GALNT17: variants seen among roughly 807,000 people sequenced by gnomAD.
GALNT17 encodes the protein polypeptide N-acetylgalactosaminyltransferase 17, also known as UDP-GalNAc:polypeptide N-acetylgalactosaminyltransferase-like 3.
In GALNT17, 29 loss-of-function variants were observed where a neutral mutation model predicts 63.7. That is an observed-to-expected ratio of 0.46 (90% CI 0.34 to 0.62). The LOEUF (loss-of-function observed/expected upper bound fraction) is 0.62, where lower values mean the gene tolerates loss of function less well. Ranked by LOEUF, GALNT17 falls within the 20% of genes least tolerant of loss-of-function variation. The pLI is 0.01. For synonymous variants in GALNT17, 305 were observed against 318.3 expected, an observed-to-expected ratio of 0.96 and a Z score of 0.45; for missense variants, 603 against 799.6, an observed-to-expected ratio of 0.75 and a Z score of 2.97.
chr7:71,399,260 G>A (rs748104070), intron 3 of GALNT17, among the ~76,000 whole-genome samples: 3 of 152,022 alleles, frequency 2.0e-5, no homozygotes, highest in African/African-American at 7.2e-5. Context: ...AAAAAATGTG[G>A]GAGTAGGAAT....
intron 8 of GALNT17, among the ~76,000 whole-genome samples, chr7:71,677,004 G>A (rs1330002470): frequency 1.3e-5 from 2 of 152,176 alleles, no homozygotes; most frequent in Non-Finnish European, 2.9e-5. Flanking sequence ...GACACAGTCA[G>A]AGACCTAGCA....
At chr7:71,561,926 A>G in intron 5 of GALNT17, among the ~76,000 whole-genome samples, 1 of 151,704 alleles carries the variant, frequency 6.6e-6, no homozygotes, top group Non-Finnish European at 1.5e-5. Context: ...CCTGATTTAC[A>G]GGCTATGGAT....
intron 2 of GALNT17, among the ~76,000 whole-genome samples, chr7:71,365,194 A>G (rs568589406): frequency 6.6e-6 from 1 of 152,176 alleles, no homozygotes; most frequent in Non-Finnish European, 1.5e-5. Flanking sequence ...CAGCCTCCCA[A>G]AGCACGGGGA....
chr7:71,498,047 G>T (rs1193507588), intron 5 of GALNT17, among the ~76,000 whole-genome samples: 8 of 152,248 alleles, frequency 5.3e-5, no homozygotes, highest in Admixed American at 2.6e-4. Flanking sequence ...TGCAAGCAGA[G>T]AATTCAGACG....
intron 6 of GALNT17, among the ~76,000 whole-genome samples, chr7:71,654,205 C>T (rs1408406800): frequency 3.3e-5 from 5 of 151,834 alleles, no homozygotes; most frequent in Admixed American, 1.3e-4. Context: ...TTAGTAGAGA[C>T]GGGGTTTCAC....
intron 7 of GALNT17, among the ~76,000 whole-genome samples, chr7:71,668,915 G>A (rs1450362345): frequency 6.6e-6 from 1 of 152,172 alleles, no homozygotes; most frequent in Non-Finnish European, 1.5e-5. Context: ...ACTTCGCAAA[G>A]AGCCAACAAA....
chr7:71,628,325 A>G lies in GALNT17; in HGVS notation c.1081-37086A>G, dbSNP rs577285674. Among the ~76,000 whole-genome samples, 22 of 151,966 alleles carry G rather than the reference A, an allele frequency of 1.4e-4. No individual in the cohort carries two copies. In the East Asian group the frequency reaches 4.3e-3, roughly 30 times the overall value. On this transcript the variant is annotated intron_variant, in intron 6 of 10. Transcript: ENST00000333538. ...TGAATTGCTAGAAATGCTTTTTTTT[A>G]TTTTTTATTTTTTTAAGACAGAGTC... is the stretch of plus-strand genomic sequence containing the variant.
At chr7:71,148,421 T>C (rs1301249382) in intron 1 of GALNT17, among the ~76,000 whole-genome samples, 1 of 152,192 alleles carries the variant, frequency 6.6e-6, no homozygotes, top group African/African-American at 2.4e-5. Flanking sequence ...GGTAGGCTCC[T>C]ACATGTGAGC....
At chr7:71,203,573 T>A (rs1789215320) in intron 1 of GALNT17, among the ~76,000 whole-genome samples, 1 of 152,238 alleles carries the variant, frequency 6.6e-6, no homozygotes, top group South Asian at 2.1e-4. Context: ...TGTATTAGGC[T>A]GTTCACACAT....
intron 1 of GALNT17, among the ~76,000 whole-genome samples, chr7:71,281,858 A>G (rs550125122): frequency 6.6e-6 from 1 of 152,350 alleles, no homozygotes. Context: ...ATTTGGAAAT[A>G]GAAAAAGTGA....
chr7:71,281,135 C>T (rs1479853246), intron 1 of GALNT17, among the ~76,000 whole-genome samples: 1 of 152,122 alleles, frequency 6.6e-6, no homozygotes, highest in Non-Finnish European at 1.5e-5. Flanking sequence ...GTAGAAGAAA[C>T]CAAAAGCGGG....
chr7:71,383,895 C>T (rs183568380), intron 2 of GALNT17, among the ~76,000 whole-genome samples: 36 of 152,056 alleles, frequency 2.4e-4, no homozygotes, highest in African/African-American at 7.7e-4. Context: ...CATTTAGCTG[C>T]GAATAATGCT....
At chr7:71,279,940 T>C (rs1427486072) in intron 1 of GALNT17, among the ~76,000 whole-genome samples, 1 of 152,122 alleles carries the variant, frequency 6.6e-6, no homozygotes, top group Non-Finnish European at 1.5e-5. Context: ...TCCGGCCCAC[T>C]AAATGATTTT....
chr7:71,651,571 G>A (rs529338745), intron 6 of GALNT17, among the ~76,000 whole-genome samples: 1 of 152,186 alleles, frequency 6.6e-6, no homozygotes, highest in East Asian at 1.9e-4. Flanking sequence ...CGAAAGTGCT[G>A]GGATTATAGG....
intron 1 of GALNT17, among the ~76,000 whole-genome samples, chr7:71,134,173 T>C (rs754994388): frequency 6.6e-6 from 1 of 152,098 alleles, no homozygotes; most frequent in Non-Finnish European, 1.5e-5. Context: ...GCCCCAAACC[T>C]CTGTAATCGG....
At chr7:71,324,482 C>A (rs1409329202) in intron 1 of GALNT17, among the ~76,000 whole-genome samples, 1 of 152,104 alleles carries the variant, frequency 6.6e-6, no homozygotes, top group Non-Finnish European at 1.5e-5. Context: ...TTAACTTGGT[C>A]TCTACTAAAA....
intron 5 of GALNT17, among the ~76,000 whole-genome samples, chr7:71,464,524 A>G (rs1787504290): frequency 6.6e-6 from 1 of 152,122 alleles, no homozygotes. Flanking sequence ...CTCCCCTGAA[A>G]CAGAAAGAAG....
rs749363045 is a variant in GALNT17, at chr7:71,420,897, C to T, written c.765-11C>T. The stretch of plus-strand genomic sequence containing the variant: ...GAAGAGAGGTTTCATGTCTATTTCT[C>T]TATGTTTCAGGGCTGAGCCGGTTCT... On this transcript the variant is annotated splice_polypyrimidine_tract_variant and intron_variant, in intron 4 of 10. Transcript: ENST00000333538. 19 of 1,613,696 alleles carry T rather than the reference C, an allele frequency of 1.2e-5. No homozygotes were observed. The highest frequency in any genetic ancestry group is 3.3e-5 in the South Asian group (3 of 91,084).
chr7:71,510,403 C>T (rs1379144052), intron 5 of GALNT17, among the ~76,000 whole-genome samples: 1 of 152,204 alleles, frequency 6.6e-6, no homozygotes, highest in Non-Finnish European at 1.5e-5. Flanking sequence ...CCTAGACAAT[C>T]ACTAATGTAC....
Sources: gnomAD v4.1 joint callset for allele counts (sites outside exome capture counted in the v4.1 genomes callset) on GRCh38, gnomAD v4.1.1 for gene constraint, MANE v1.5 for transcripts, NCBI Gene and HGNC (gene_info 2026-07-23, HGNC 2026-07-21) for gene names.